Variants in PTPRD observed in about 807,000 individuals in gnomAD.
PTPRD encodes protein tyrosine phosphatase receptor type D.
Under a neutral mutation model 214.5 loss-of-function variants are expected in PTPRD, and 34 were observed. That is an observed-to-expected ratio of 0.16 (90% CI 0.12 to 0.21). The LOEUF (loss-of-function observed/expected upper bound fraction) is 0.21. Among genes scored for constraint, PTPRD ranks in the 10% least tolerant of loss-of-function variants. PTPRD has a pLI of 1.00. For missense variants in PTPRD, 2,545 were observed against 2,398.7 expected (o/e 1.06, Z -1.27); for synonymous variants, 1,128 against 845.7 (o/e 1.33, Z -5.79).
rs140936627 is a variant in PTPRD at position 10,419,657 on chromosome 9, T to C, written c.-599-78640A>G. Among the ~76,000 whole-genome samples the C allele has an allele frequency of 2.4e-3, 365 of 151,920 alleles. 1 individual carries two copies. Among genetic ancestry groups the C allele is most frequent in the African/African-American group, 8.2e-3 (340 of 41,514 alleles). On this transcript the variant is annotated intron_variant, in intron 2 of 45. Coordinates refer to ENST00000381196, the MANE Select transcript of PTPRD (RefSeq NM_002839.4). ...TTTCTTAATTTTTTTAAACACTTAG[T>C]CTGATCTCTTGGTTGTCTTCATCTT... is the stretch of plus-strand genomic sequence containing the variant.
chr9:9,989,016 CAAAAAAAAAAAAAAAAAAA>C (rs397836899), intron 4 of PTPRD, among the ~76,000 whole-genome samples: 10 of 36,286 alleles, frequency 2.8e-4, no homozygotes, highest in African/African-American at 6.9e-4. Context: ...TTTCACTGAC[CAAAAAAAAAAAAAAAAAAA>C]AAAAAAAAAA....
Position 9,366,276 on chromosome 9 carries a change from C to G in PTPRD, c.-203+31173G>C, listed in dbSNP as rs190266872. On this transcript the variant is annotated intron_variant, in intron 9 of 45. Transcript: ENST00000381196. ...GTTGTAATTTTTTTAAGCAGGGATT[C>G]TTTTTGGTGAGGATTTACGAGACGT... Among the ~76,000 whole-genome samples the G allele has an allele frequency of 1.9e-3, 282 of 151,580 alleles. 3 individuals are homozygous for G. The highest frequency in any genetic ancestry group is 3.1e-3 in the Non-Finnish European group (212 of 67,674).
At chr9:9,178,093 T>C (rs1007047165) in intron 10 of PTPRD, among the ~76,000 whole-genome samples, 1 of 152,124 alleles carries the variant, frequency 6.6e-6, no homozygotes, top group Admixed American at 6.6e-5. Flanking sequence ...AGGTAGCTTT[T>C]GTATCAATAT....
Position 8,518,217 on chromosome 9 carries a change from T to C in PTPRD, c.1174A>G (p.Arg392Gly), listed in dbSNP as rs2138546522. 6.2e-7 allele frequency: 1 copy of C among 1,614,184 alleles called. No homozygotes were observed. ...GLSPYSDYEFRVVAVNNIGRG... is the reference protein window; with the variant it reads ...GLSPYSDYEFGVVAVNNIGRG... ...CCAATGTTATTGACAGCAACAACCC[T>C]GAATTCATAATCCGAGTAGGGACTT... Residue 392 changes from arginine (R) to glycine (G), a missense_variant, in exon 21 of 46, where the codon AGG becomes GGG. Physicochemically the swap from Arg to Gly is moderately radical, Grantham distance 125 (BLOSUM62 -2). Transcript: ENST00000381196.
In PTPRD at chr9:9,598,569, G is replaced by T. The variant is rs529952236; in HGVS notation, c.-286-23788C>A. Among the ~76,000 whole-genome samples the T allele has an allele frequency of 5.3e-5, 8 of 152,048 alleles. No homozygotes were observed. The South Asian group carries it at 1.7e-3, about 32-fold the overall frequency. On this transcript the variant is annotated intron_variant, in intron 7 of 45. Transcript: ENST00000381196. ...AGTTTTTGAAGAAGCAACTACTATAGACCTACTATAGACCTTTTGATTAAC... is the reference window on the plus strand; with the variant it reads ...AGTTTTTGAAGAAGCAACTACTATATACCTACTATAGACCTTTTGATTAAC...
At chr9:9,818,938 A>T (rs945393155) in intron 5 of PTPRD, among the ~76,000 whole-genome samples, 27 of 142,044 alleles carry the variant, frequency 1.9e-4, no homozygotes, top group African/African-American at 6.7e-4. Context: ...AAAAAAAAAA[A>T]GTTCGTATGT....
At chr9:8,960,195 A>G (rs72708134) in intron 11 of PTPRD, among the ~76,000 whole-genome samples, 9,124 of 152,128 alleles carry the variant, frequency 0.06, 386 homozygotes, top group East Asian at 0.18. Flanking sequence ...CTAGGTCATG[A>G]GTTTTGTCGT....
At chr9:8,334,219 C>T (rs1480213808) in intron 43 of PTPRD, among the ~76,000 whole-genome samples, 2 of 152,062 alleles carry the variant, frequency 1.3e-5, no homozygotes, top group Admixed American at 1.3e-4. Flanking sequence ...CACCCCAAAT[C>T]AAGAGAATAT....
At chr9:8,429,452 A>G (rs1023559052) in intron 35 of PTPRD, among the ~76,000 whole-genome samples, 1 of 152,166 alleles carries the variant, frequency 6.6e-6, no homozygotes, top group Non-Finnish European at 1.5e-5. Flanking sequence ...TAATGTCTCT[A>G]TACGTCTCAA....
At chr9:9,476,191 G>A (rs10977805) in intron 8 of PTPRD, among the ~76,000 whole-genome samples, 16,931 of 152,088 alleles carry the variant, frequency 0.11, 1,303 homozygotes, top group East Asian at 0.34. Flanking sequence ...CAGTTCAGCC[G>A]GCTGACTCCT....
intron 11 of PTPRD, among the ~76,000 whole-genome samples, chr9:8,885,488 CTTTTTTT>C (rs35568734): frequency 9.6e-5 from 9 of 93,358 alleles, no homozygotes; most frequent in Middle Eastern, 7.6e-3. Flanking sequence ...CACACAGCCT[CTTTTTTT>C]TTTTTTTTTT....
chr9:9,335,241 T>C (rs1382334139), intron 9 of PTPRD, among the ~76,000 whole-genome samples: 1 of 152,084 alleles, frequency 6.6e-6, no homozygotes, highest in African/African-American at 2.4e-5. Flanking sequence ...TTACATTACC[T>C]GTAGAATTTC....
intron 11 of PTPRD, among the ~76,000 whole-genome samples, chr9:8,776,502 T>G (rs1174682366): frequency 1.5e-5 from 2 of 134,774 alleles, no homozygotes; most frequent in African/African-American, 5.3e-5. Context: ...TTCGTCATGT[T>G]GCCCAGGCCG....
Position 9,334,268 on chromosome 9 carries a change from T to C in PTPRD, c.-203+63181A>G, listed in dbSNP as rs539253334. ...AGGAACCTACAATTAAGATGGCTCA[T>C]ATAAAATTAGCCAAAAAACAAAAAG... On this transcript the variant is annotated intron_variant, in intron 9 of 45. Coordinates refer to ENST00000381196, the MANE Select transcript of PTPRD (RefSeq NM_002839.4). 1.4e-4 allele frequency among the ~76,000 whole-genome samples: 21 copies of C among 152,060 alleles called. No homozygotes were observed. The South Asian group carries it at 4.1e-3, about 30-fold the overall frequency.
intron 7 of PTPRD, among the ~76,000 whole-genome samples, chr9:9,721,276 T>C (rs1042256356): frequency 1.3e-5 from 2 of 152,214 alleles, no homozygotes; most frequent in African/African-American, 2.4e-5. Flanking sequence ...TGTATGTTCA[T>C]TCCCACCAAA....
intron 14 of PTPRD, among the ~76,000 whole-genome samples, chr9:8,573,437 T>C (rs369591598): frequency 3.3e-5 from 5 of 152,048 alleles, no homozygotes; most frequent in South Asian, 2.1e-4. Context: ...TGTTAGGAAA[T>C]TGGGGAGACC....
intron 26 of PTPRD, among the ~76,000 whole-genome samples, chr9:8,495,740 T>G (rs896602067): frequency 6.6e-6 from 1 of 152,188 alleles, no homozygotes; most frequent in Non-Finnish European, 1.5e-5. Context: ...TGAGTTATAG[T>G]CAAAGAAGTT....
At chr9:9,347,023 C>G (rs1017310783) in intron 9 of PTPRD, among the ~76,000 whole-genome samples, 1 of 151,958 alleles carries the variant, frequency 6.6e-6, no homozygotes, top group African/African-American at 2.4e-5. Flanking sequence ...GCCCCTGGGG[C>G]AGGTGTGTTG....
intron 2 of PTPRD, among the ~76,000 whole-genome samples, chr9:10,583,770 G>A (rs1419855630): frequency 1.3e-5 from 2 of 152,118 alleles, no homozygotes; most frequent in African/African-American, 2.4e-5. Flanking sequence ...GAGCCACCGC[G>A]CCCGGCCACA....
Sources: gnomAD v4.1 joint callset for allele counts (sites outside exome capture counted in the v4.1 genomes callset) on GRCh38, gnomAD v4.1.1 for gene constraint, MANE v1.5 for transcripts, NCBI Gene and HGNC (gene_info 2026-07-23, HGNC 2026-07-21) for gene names.